Variants in ZMYM2 observed in about 807,000 individuals in gnomAD.
ZMYM2 encodes the protein zinc finger MYM-type protein 2.
In ZMYM2, 56 loss-of-function variants were observed where a neutral mutation model predicts 162.8. The observed-to-expected ratio is 0.34, with a 90% confidence interval of 0.28 to 0.43. The LOEUF is 0.43. ZMYM2 is among the 20% of genes least tolerant of loss of function. ZMYM2 has a pLI of 1.00. For missense variants in ZMYM2, 1,275 were observed against 1,621.8 expected, an observed-to-expected ratio of 0.79 and a Z score of 3.67; for synonymous variants, 510 against 541.6, an observed-to-expected ratio of 0.94 and a Z score of 0.81.
At chr13:19,982,957 A>G (rs1466579481) in intron 2 of ZMYM2, among the ~76,000 whole-genome samples, 1 of 152,060 alleles carries the variant, frequency 6.6e-6, no homozygotes. Context: ...CTGTAGGTTT[A>G]GTTGACCTTT....
intron 21 of ZMYM2, among the ~76,000 whole-genome samples, chr13:20,068,773 A>G (rs904114680): frequency 6.6e-6 from 1 of 152,148 alleles, no homozygotes; most frequent in Non-Finnish European, 1.5e-5. Flanking sequence ...TAGATCAATT[A>G]TTTTTTAAAG....
chr13:19,961,880 T>G (rs1955253032), intron 2 of ZMYM2, among the ~76,000 whole-genome samples: 1 of 152,232 alleles, frequency 6.6e-6, no homozygotes, highest in Admixed American at 6.5e-5. Flanking sequence ...ATAAGTACTT[T>G]TATTATACAG....
At chr13:19,929,663 A>C in the ZMYM2 span, among the ~76,000 whole-genome samples, 102 of 152,218 alleles carry the variant, frequency 6.7e-4, no homozygotes, top group Non-Finnish European at 1.3e-3. Flanking sequence ...GTTTGGATTT[A>C]TCATGCTCAT....
At chr13:19,931,007 C>CGGT in the ZMYM2 span, among the ~76,000 whole-genome samples, 1 of 151,258 alleles carries the variant, frequency 6.6e-6, no homozygotes, top group Non-Finnish European at 1.5e-5. Context: ...GGCGCGGTGG[C>CGGT]GGGCGCCTGT....
the ZMYM2 span, among the ~76,000 whole-genome samples, chr13:19,924,888 T>G: frequency 6.6e-6 from 1 of 151,466 alleles, no homozygotes; most frequent in African/African-American, 2.4e-5. Context: ...CTTTTTTTTT[T>G]TTTTTTTGTT....
At chr13:20,034,551 TTA>T in intron 11 of ZMYM2, 147 bp downstream of exon 11, 1 of 692,130 alleles carries the variant, frequency 1.4e-6, no homozygotes, top group Admixed American at 3.9e-5. Flanking sequence ...TTTCGTTATT[TTA>T]TATGTGTTTG....
chr13:19,919,288 A>G, the ZMYM2 span, among the ~76,000 whole-genome samples: 1 of 152,170 alleles, frequency 6.6e-6, no homozygotes, highest in Admixed American at 6.5e-5. Context: ...GGCTTTTACA[A>G]ATAAAGATAT....
At position 20,036,820 on chromosome 13, in the gene ZMYM2, A is replaced by G. The variant is rs373188748; in HGVS notation, c.2203A>G (p.Lys735Glu). The G allele has an allele frequency of 1.2e-6, 2 of 1,609,644 alleles. No individual in the cohort carries two copies. The highest frequency in any genetic ancestry group is 8.5e-7 in the Non-Finnish European group (1 of 1,177,802). The change falls in exon 12 of 25, where the codon AAG becomes GAG. Residue 735 changes from lysine (K) to glutamate (E), a missense_variant. Physicochemically the swap from Lys to Glu is moderately conservative, Grantham distance 56 (BLOSUM62 1). Coordinates refer to ENST00000610343, the MANE Select transcript of ZMYM2 (RefSeq NM_197968.4). ...VTCNYCSQLC[K>E]KGATKELDGV... is the part of the protein sequence containing the mutation. ...TTGCAACTATTGTTCTCAGCTATGTAAGAAGGGAGCAACTAAAGAACTCGA... is the reference window on the plus strand; with the variant it reads ...TTGCAACTATTGTTCTCAGCTATGTGAGAAGGGAGCAACTAAAGAACTCGA...
chr13:19,960,284 C>T (rs1255614941), intron 2 of ZMYM2, among the ~76,000 whole-genome samples: 1 of 152,172 alleles, frequency 6.6e-6, no homozygotes, highest in African/African-American at 2.4e-5. Flanking sequence ...TGCAGCTGCT[C>T]ACGTTACCCG....
chr13:19,899,111 C>A, the ZMYM2 span, among the ~76,000 whole-genome samples: 7 of 151,732 alleles, frequency 4.6e-5, no homozygotes, highest in Non-Finnish European at 1.0e-4. Flanking sequence ...TGCCACCACA[C>A]GGGGGTAATT....
chr13:20,019,868 T>G (rs1951925363), intron 7 of ZMYM2: 2 of 413,856 alleles, frequency 4.8e-6, no homozygotes, highest in Admixed American at 3.7e-5. Flanking sequence ...TATTTTCAGA[T>G]TTTTTTAGTG....
At chr13:19,967,173 A>G (rs1955863675) in intron 2 of ZMYM2, among the ~76,000 whole-genome samples, 1 of 152,094 alleles carries the variant, frequency 6.6e-6, no homozygotes, top group Non-Finnish European at 1.5e-5. Flanking sequence ...GCTTTTTTTA[A>G]AAAAAGAGCA....
chr13:20,016,198 G>C (rs1951612004), intron 6 of ZMYM2, among the ~76,000 whole-genome samples: 1 of 151,782 alleles, frequency 6.6e-6, no homozygotes, highest in Admixed American at 6.6e-5. Flanking sequence ...GTTACTGTGG[G>C]GGAGGCTTTA....
intron 15 of ZMYM2, among the ~76,000 whole-genome samples, chr13:20,059,203 G>C (rs1956044346): frequency 6.6e-6 from 1 of 151,308 alleles, no homozygotes; most frequent in South Asian, 2.1e-4. Context: ...TGTTTTTAAA[G>C]GATGTTTTCT....
At chr13:19,951,736 C>T in the ZMYM2 span, among the ~76,000 whole-genome samples, 1 of 151,810 alleles carries the variant, frequency 6.6e-6, no homozygotes, top group African/African-American at 2.4e-5. Flanking sequence ...CAAAAGAATA[C>T]ACATGCTGTT....
At chr13:20,027,724 A>C (rs1490614998) in intron 9 of ZMYM2, among the ~76,000 whole-genome samples, 1 of 152,152 alleles carries the variant, frequency 6.6e-6, no homozygotes, top group East Asian at 1.9e-4. Flanking sequence ...TGGACCATGT[A>C]AAGAGGGAAT....
At chr13:19,972,762 C>T (rs900053033) in intron 2 of ZMYM2, among the ~76,000 whole-genome samples, 4 of 151,866 alleles carry the variant, frequency 2.6e-5, no homozygotes, top group Non-Finnish European at 5.9e-5. Flanking sequence ...AATTGCCCTC[C>T]GTTATTCTTC....
the ZMYM2 span, among the ~76,000 whole-genome samples, chr13:19,904,813 C>T: frequency 6.6e-6 from 1 of 152,016 alleles, no homozygotes; most frequent in African/African-American, 2.4e-5. Context: ...TGGCTTATTT[C>T]ACTAAACATA....
intron 2 of ZMYM2, among the ~76,000 whole-genome samples, chr13:19,977,509 T>C (rs1956894311): frequency 6.6e-6 from 1 of 151,970 alleles, no homozygotes; most frequent in African/African-American, 2.4e-5. Context: ...TTTTTTTTTT[T>C]TGAGACGGAG....
Sources: gnomAD v4.1 joint callset for allele counts (sites outside exome capture counted in the v4.1 genomes callset) on GRCh38, gnomAD v4.1.1 for gene constraint, MANE v1.5 for transcripts, NCBI Gene and HGNC (gene_info 2026-07-23, HGNC 2026-07-21) for gene names.